GPC4: variants seen among roughly 807,000 people sequenced by gnomAD.
The protein encoded by GPC4 is glypican 4, also known as glypican-4.
A neutral mutation model predicts 35.0 loss-of-function variants in GPC4; 10 were observed. That is an observed-to-expected ratio of 0.29 (90% CI 0.18 to 0.48). GPC4 has a LOEUF of 0.48. Among genes scored for constraint, GPC4 ranks in the 20% least tolerant of loss-of-function variants. GPC4 has a pLI of 0.99. For synonymous variants in GPC4, 167 were observed against 170.2 expected (o/e 0.98, Z 0.15); for missense variants, 322 against 451.3 (o/e 0.71, Z 2.60).
chrX:133,395,334 A>C (rs1369014916), intron 1 of GPC4, among the ~76,000 whole-genome samples: 3 of 111,626 alleles, frequency 2.7e-5, no homozygotes, highest in African/African-American at 9.8e-5. Context: ...TATAATTAAA[A>C]ATTTATGGCC....
intron 1 of GPC4, among the ~76,000 whole-genome samples, chrX:133,361,878 C>T (rs1184337596): frequency 9.0e-6 from 1 of 110,906 alleles, no homozygotes; most frequent in Non-Finnish European, 1.9e-5. Context: ...AAAAAAACTC[C>T]AAAACAAATT....
At chrX:133,326,585 A>AC (rs1342168689) in intron 2 of GPC4, among the ~76,000 whole-genome samples, 1 of 112,151 alleles carries the variant, frequency 8.9e-6, no homozygotes, top group East Asian at 2.8e-4. Context: ...TTGGAAAACA[A>AC]CTGCTCTAGC....
intron 1 of GPC4, among the ~76,000 whole-genome samples, chrX:133,354,146 T>A (rs2068529201): frequency 8.9e-6 from 1 of 111,951 alleles, no homozygotes; most frequent in African/African-American, 3.2e-5. Flanking sequence ...GGATGTTTCA[T>A]CCTATGTGGA....
At chrX:133,375,306 C>G (rs1327456664) in intron 1 of GPC4, among the ~76,000 whole-genome samples, 2 of 111,481 alleles carry the variant, frequency 1.8e-5, no homozygotes, top group Non-Finnish European at 3.8e-5. Context: ...CCAAGTACCA[C>G]AAGAAACATG....
At chrX:133,377,889 C>CTTTT (rs774106053) in intron 1 of GPC4, among the ~76,000 whole-genome samples, 1 of 72,802 alleles carries the variant, frequency 1.4e-5, no homozygotes, top group Non-Finnish European at 2.6e-5. Flanking sequence ...TTTTTTTTTT[C>CTTTT]TTTTTTTTTT....
chrX:133,309,139 C>T (rs1226976543), intron 4 of GPC4, among the ~76,000 whole-genome samples: 2 of 111,725 alleles, frequency 1.8e-5, no homozygotes, highest in African/African-American at 6.5e-5. Flanking sequence ...ATGTCTATTA[C>T]TCCTGGTCTT....
chrX:133,323,404 C>T (rs1479204565), intron 3 of GPC4, among the ~76,000 whole-genome samples: 1 of 111,711 alleles, frequency 9.0e-6, no homozygotes, highest in Non-Finnish European at 1.9e-5. Context: ...TGCTTGAGCC[C>T]CGGAGGTGGA....
chrX:133,349,557 C>T (rs1273993225), intron 1 of GPC4, among the ~76,000 whole-genome samples: 1 of 112,315 alleles, frequency 8.9e-6, no homozygotes, highest in African/African-American at 3.2e-5. Context: ...CAGACACCTG[C>T]TCTAATTGAA....
intron 1 of GPC4, among the ~76,000 whole-genome samples, chrX:133,351,967 C>A (rs1277958065): frequency 1.8e-5 from 2 of 112,038 alleles, no homozygotes; most frequent in Non-Finnish European, 3.8e-5. Context: ...GCAGAAAATA[C>A]AAATGGCTTG....
At chrX:133,389,488 T>G (rs771926061) in intron 1 of GPC4, among the ~76,000 whole-genome samples, 176 of 111,529 alleles carry the variant, frequency 1.6e-3, no homozygotes, top group African/African-American at 5.0e-3. Context: ...AGAAAACAGA[T>G]GCAAAGATCT....
intron 1 of GPC4, among the ~76,000 whole-genome samples, chrX:133,368,057 A>G (rs1252658051): frequency 8.9e-6 from 1 of 112,309 alleles, no homozygotes; most frequent in Admixed American, 9.4e-5. Context: ...TTTAGGCTGC[A>G]GCAAGCTATG....
intron 3 of GPC4, among the ~76,000 whole-genome samples, chrX:133,315,399 G>A (rs1216977353): frequency 9.1e-6 from 1 of 110,204 alleles, no homozygotes; most frequent in African/African-American, 3.3e-5. Flanking sequence ...GGCACTGCTG[G>A]GGGCTCTTTC....
At chrX:133,364,153 T>C (rs781414575) in intron 1 of GPC4, among the ~76,000 whole-genome samples, 1 of 112,114 alleles carries the variant, frequency 8.9e-6, no homozygotes, top group South Asian at 3.7e-4. Flanking sequence ...AACATGTCTA[T>C]ATTATTTGAT....
chrX:133,406,593 TA>T (rs1393582356), intron 1 of GPC4, among the ~76,000 whole-genome samples: 2 of 101,994 alleles, frequency 2.0e-5, no homozygotes, highest in East Asian at 6.3e-4. Context: ...ACTAAAAATA[TA>T]AAAAATTAGC....
At position 133,372,366 on chromosome X, in the gene GPC4, T is replaced by C. The variant is rs2068616474; in HGVS notation, c.161-33025A>G. Among the ~76,000 whole-genome samples the C allele has an allele frequency of 2.7e-5, 3 of 109,832 alleles. No homozygotes were observed. In the South Asian group the frequency reaches 1.2e-3, roughly 44 times the overall value. ...AGGGGCTCCTTACAAAACAGAAATA[T>C]GTGTAGTAGGGAGAGTACTGGAGAG... On this transcript the variant is annotated intron_variant, in intron 1 of 8. Coordinates refer to ENST00000370828, the MANE Select transcript of GPC4 (RefSeq NM_001448.3).
At chrX:133,403,246 C>G (rs1238714585) in intron 1 of GPC4, among the ~76,000 whole-genome samples, 2 of 111,427 alleles carry the variant, frequency 1.8e-5, no homozygotes, top group Non-Finnish European at 1.9e-5. Flanking sequence ...AACAAAATAC[C>G]AAAGATTGGG....
chrX:133,311,845 G>A (rs1160613590), intron 3 of GPC4, among the ~76,000 whole-genome samples: 1 of 111,876 alleles, frequency 8.9e-6, no homozygotes, highest in African/African-American at 3.3e-5. Context: ...AACCATCAGT[G>A]TTTGTCTTTG....
intron 1 of GPC4, among the ~76,000 whole-genome samples, chrX:133,395,406 T>G (rs983200995): frequency 8.1e-5 from 9 of 110,977 alleles, no homozygotes; most frequent in African/African-American, 2.9e-4. Flanking sequence ...GTGTATTACC[T>G]GAGGTGAGGA....
At chrX:133,371,024 A>T (rs1162163931) in intron 1 of GPC4, among the ~76,000 whole-genome samples, 1 of 112,192 alleles carries the variant, frequency 8.9e-6, no homozygotes, top group African/African-American at 3.2e-5. Context: ...TGGCATCCCA[A>T]CTTAGTTAAT....
Sources: allele counts gnomAD v4.1 joint callset (sites outside exome capture counted in the v4.1 genomes callset), GRCh38; gene constraint gnomAD v4.1.1; transcripts MANE v1.5; gene names NCBI Gene and HGNC (gene_info 2026-07-23, HGNC 2026-07-21).